Variants in NIPBL observed in about 807,000 individuals in gnomAD.
The protein encoded by NIPBL is nipped-B-like protein.
NIPBL carries 19 observed loss-of-function variants against 321.8 expected under a neutral mutation model. The ratio of observed to expected loss-of-function variants is 0.06; its 90% CI spans 0.04 to 0.09. The LOEUF is 0.09. NIPBL is among the 10% of genes least tolerant of loss of function. The pLI is 1.00. For synonymous variants in NIPBL, 1,106 were observed against 1,114.1 expected, an observed-to-expected ratio of 0.99 and a Z score of 0.14; for missense variants, 2,210 against 3,327.0, an observed-to-expected ratio of 0.66 and a Z score of 8.26.
Position 37,059,089 on chromosome 5 carries a change from G to T in NIPBL, c.7609G>T (p.Ala2537Ser). The T allele has an allele frequency of 6.2e-7, 1 of 1,614,138 alleles. No homozygotes were observed. Among genetic ancestry groups the T allele is most frequent in the Non-Finnish European group, 8.5e-7 (1 of 1,179,986 alleles). Residue 2537 changes from alanine (A) to serine (S), a missense_variant, in exon 44 of 47, where the codon GCA becomes TCA. Around this residue, in one of 14 missense-constraint regions of NIPBL, gnomAD observed 79 missense variants for 90.8 expected, o/e 0.87. Coordinates refer to ENST00000282516, the MANE Select transcript of NIPBL (RefSeq NM_133433.4). Reference protein sequence around the residue: ...PENSAPLIEFANVSQGILLLL... With the variant: ...PENSAPLIEFSNVSQGILLLL... ...AAATTCAGCTCCTTTAATCGAATTT[G>T]CAAATGTGTCCCAGGGTATTTTATT...
intron 43 of NIPBL, 65 bp from the exon 44 acceptor site, chr5:37,058,826 G>A (rs1398780669): frequency 6.9e-7 from 1 of 1,457,096 alleles, no homozygotes; most frequent in African/African-American, 1.4e-5. Flanking sequence ...CTGTTGAATG[G>A]AGCATACTTA....
chr5:37,048,439 T>TAA, intron 38 of NIPBL, 63 bp from the exon 39 acceptor site: 2 of 1,006,304 alleles, frequency 2.0e-6, no homozygotes, highest in Non-Finnish European at 2.8e-6. Context: ...ATTAACATAT[T>TAA]TATTAAATGT....
intron 38 of NIPBL, 82 bp from the exon 39 acceptor site, chr5:37,048,420 A>G: frequency 1.2e-6 from 1 of 850,600 alleles, no homozygotes; most frequent in Non-Finnish European, 1.6e-6. Flanking sequence ...GGAGCCGTTT[A>G]TATAATTTAT....
At chr5:37,064,352 G>C in intron 46 of NIPBL, 175 bp from the exon 47 acceptor site, 9 of 985,264 alleles carry the variant, frequency 9.1e-6, no homozygotes, top group Non-Finnish European at 1.1e-5. Context: ...GGTTTTACAA[G>C]TATATGTTAA....
At chr5:37,016,427 T>C (rs1053959614) in intron 23 of NIPBL, among the ~76,000 whole-genome samples, 5 of 152,046 alleles carry the variant, frequency 3.3e-5, no homozygotes, top group Non-Finnish European at 7.4e-5. Context: ...GGAAATGTTA[T>C]ATTGTTAAAA....
chr5:37,064,652 A>C lies in NIPBL; in HGVS notation c.8175A>C (p.Ala2725=), dbSNP rs1385976396. The C allele has an allele frequency of 6.2e-7, 1 of 1,614,190 alleles. No homozygotes were observed. Among genetic ancestry groups the C allele is most frequent in the Non-Finnish European group, 8.5e-7 (1 of 1,180,032 alleles). ...AGTACAAAGATCGACCACAAATTGC[A>C]AGAGTAGTGCAGAAAACCAGCAGTG... ...CPKYKDRPQI[A]RVVQKTSSGF... is the part of the protein sequence containing the mutation. Residue 2725 remains alanine (A), a synonymous_variant, in exon 47 of 47, where the codon GCA becomes GCC. Coordinates refer to ENST00000282516, the MANE Select transcript of NIPBL (RefSeq NM_133433.4).
chr5:36,927,429 A>C (rs1042541283), intron 1 of NIPBL, among the ~76,000 whole-genome samples: 4 of 152,176 alleles, frequency 2.6e-5, no homozygotes, highest in African/African-American at 9.7e-5. Context: ...CTGTATTTTA[A>C]TAGAATCTCT....
intron 1 of NIPBL, among the ~76,000 whole-genome samples, chr5:36,905,291 A>G (rs2149538762): frequency 6.6e-6 from 1 of 152,206 alleles, no homozygotes; most frequent in Non-Finnish European, 1.5e-5. Context: ...CTTCCTATGT[A>G]TTTCTCATTT....
chr5:36,934,582 A>G (rs1388482139), intron 1 of NIPBL, among the ~76,000 whole-genome samples: 1 of 152,194 alleles, frequency 6.6e-6, no homozygotes, highest in Non-Finnish European at 1.5e-5. Flanking sequence ...GAATGGGAGC[A>G]ATGGTAGAAA....
chr5:37,020,305 T>C (rs1749478889), intron 25 of NIPBL, among the ~76,000 whole-genome samples, 154 bp from the exon 26 acceptor site: 1 of 152,248 alleles, frequency 6.6e-6, no homozygotes, highest in African/African-American at 2.4e-5. Context: ...TTCTATATTT[T>C]CTGGCTTTCT....
At chr5:37,044,536 T>C in intron 35 of NIPBL, 49 bp downstream of exon 35, 1 of 1,595,880 alleles carries the variant, frequency 6.3e-7, no homozygotes. Context: ...AAAGTTCTAA[T>C]GTATTTTATT....
chr5:37,030,389 A>G (rs1197389981), intron 32 of NIPBL, among the ~76,000 whole-genome samples: 1 of 152,190 alleles, frequency 6.6e-6, no homozygotes, highest in East Asian at 1.9e-4. Context: ...ATATATATAT[A>G]TATGACAGAG....
intron 29 of NIPBL, among the ~76,000 whole-genome samples, chr5:37,023,646 T>TA (rs1446254005): frequency 6.6e-6 from 1 of 151,922 alleles, no homozygotes; most frequent in Non-Finnish European, 1.5e-5. Context: ...TCCATTGTCC[T>TA]AAAAATGTTT....
chr5:37,006,306 T>C, intron 16 of NIPBL, 51 bp from the exon 17 acceptor site: 1 of 982,322 alleles, frequency 1.0e-6, no homozygotes, highest in Non-Finnish European at 1.6e-6. Flanking sequence ...ATGTATATTT[T>C]AAACCTATAA....
At chr5:37,001,825 C>A (rs1746840367) in intron 14 of NIPBL, among the ~76,000 whole-genome samples, 1 of 152,132 alleles carries the variant, frequency 6.6e-6, no homozygotes, top group African/African-American at 2.4e-5. Flanking sequence ...ACACTGCTTG[C>A]AATGTATAGA....
Position 37,048,538 on chromosome 5 carries a change from A to T in NIPBL, c.6626A>T (p.Glu2209Val), listed in dbSNP as rs1333774420. The T allele has an allele frequency of 1.9e-6, 3 of 1,586,842 alleles. No individual in the cohort carries two copies. In the South Asian group the frequency reaches 3.6e-5, roughly 19 times the overall value. ...ATTCAGCATCCAAGTCTAATGTTCGAGCAAGAAGTGAAGAATCTATATAAT... is the reference window on the plus strand; with the variant it reads ...ATTCAGCATCCAAGTCTAATGTTCGTGCAAGAAGTGAAGAATCTATATAAT... ...AFIQHPSLMFEQEVKNLYNNI... is the reference protein window; with the variant it reads ...AFIQHPSLMFVQEVKNLYNNI... The change falls in exon 39 of 47, where the codon GAG becomes GTG. Residue 2209 changes from glutamate to valine, a missense_variant. By Grantham distance (121) the Glu-to-Val change is moderately radical. Around this residue, in one of 14 missense-constraint regions of NIPBL, gnomAD observed 40 missense variants for 55.3 expected, o/e 0.72. Transcript: ENST00000282516.
Position 36,976,135 on chromosome 5 carries a change from A to G in NIPBL, c.1228A>G (p.Ile410Val), listed in dbSNP as rs141010980. 34 of 1,613,760 alleles carry G rather than the reference A, an allele frequency of 2.1e-5. No homozygotes were observed. Among genetic ancestry groups the G allele is most frequent in the Non-Finnish European group, 2.7e-5 (32 of 1,179,832 alleles). The change falls in exon 9 of 47, where the codon ATA (isoleucine) becomes GTA (valine). Residue 410 changes from isoleucine (I) to valine (V), a missense_variant. By Grantham distance (29) the Ile-to-Val change is conservative. Around this residue, in one of 14 missense-constraint regions of NIPBL, gnomAD observed 464 missense variants for 529.5 expected, o/e 0.88. Coordinates refer to ENST00000282516, the MANE Select transcript of NIPBL (RefSeq NM_133433.4). Reference protein sequence around the residue: ...TSKTPITPQDINRPLNAAQCL... With the variant: ...TSKTPITPQDVNRPLNAAQCL... ...AAAAACACCCATTACTCCACAAGAT[A>G]TAAACCGCCCACTAAATGCTGCTCA...
chr5:37,035,590 A>T (rs1302451739), intron 32 of NIPBL, among the ~76,000 whole-genome samples: 2 of 152,176 alleles, frequency 1.3e-5, no homozygotes, highest in Non-Finnish European at 2.9e-5. Context: ...TTTCTCAGTC[A>T]CAGTAGGTAC....
chr5:36,902,797 T>C (rs975043587), intron 1 of NIPBL, among the ~76,000 whole-genome samples: 5 of 152,230 alleles, frequency 3.3e-5, no homozygotes, highest in Admixed American at 3.3e-4. Context: ...TTCCTAATTC[T>C]GTGAAAACTG....
Sources: gnomAD v4.1 joint callset for allele counts (sites outside exome capture counted in the v4.1 genomes callset) on GRCh38, gnomAD v4.1.1 for gene constraint, gnomAD v4.1.1 regional missense constraint, MANE v1.5 for transcripts, NCBI Gene and HGNC (gene_info 2026-07-23, HGNC 2026-07-21) for gene names.